RHBDF1: variants seen among roughly 807,000 people sequenced by gnomAD.
RHBDF1 encodes rhomboid 5 homolog 1, also known as inactive rhomboid protein 1.
RHBDF1 carries 80 observed loss-of-function variants against 98.6 expected under a neutral mutation model. The observed-to-expected ratio is 0.81, with a 90% CI of 0.68 to 0.98. The LOEUF is 0.98. Ranked by LOEUF, RHBDF1 falls within the 50% of genes least tolerant of loss-of-function variation. The pLI is 0.00. For synonymous variants in RHBDF1, 512 were observed against 486.8 expected, an observed-to-expected ratio of 1.05 and a Z score of -0.68; for missense variants, 1,116 against 1,198.3, an observed-to-expected ratio of 0.93 and a Z score of 1.01.
Position 58,455 on chromosome 16 carries a change from A to G in RHBDF1, c.2453T>C (p.Leu818Pro), listed in dbSNP as rs1797789691. 6.2e-7 allele frequency: 1 copy of G among 1,614,110 alleles called. No individual in the cohort carries two copies. Among genetic ancestry groups the G allele is most frequent in the Non-Finnish European group, 8.5e-7 (1 of 1,180,034 alleles). Residue 818 changes from leucine to proline, a missense_variant, in exon 18 of 18, where the codon CTG becomes CCG. By Grantham distance (98) the Leu-to-Pro change is moderately conservative. Transcript: ENST00000262316. ...QVVFLGLLAGLVVLFYVYPVR... is the reference protein window; with the variant it reads ...QVVFLGLLAGPVVLFYVYPVR... ...AGGATAGACGTAGAAGAGGACCACC[A>G]GGCCAGCCAGGAGGCCCAGGAAGAC... is the stretch of plus-strand genomic sequence containing the variant.
chr16:61,123 G>A lies in RHBDF1; in HGVS notation c.1554C>T (p.Cys518=). 6.5e-7 allele frequency: 1 copy of A among 1,527,678 alleles called. No individual in the cohort carries two copies. Among genetic ancestry groups the A allele is most frequent in the Non-Finnish European group, 8.8e-7 (1 of 1,138,318 alleles). The allele number at this position is 1,527,678 out of a possible 1,614,324, so 94.6% of individuals were successfully genotyped here. A position where few individuals can be genotyped will look rare whatever the true frequency, so the allele number is the denominator to read the frequency against. ...AGTCCCGGGCGGGGAAACGCACCGA[G>A]CACTCCTCCTCCGAGGTCTGCACGC... ...SGCVQTSEEE[C]SSTLAVWVKW... Residue 518 remains cysteine (C), a synonymous_variant, in exon 11 of 18, where the codon TGC becomes TGT. Coordinates refer to ENST00000262316, the MANE Select transcript of RHBDF1 (RefSeq NM_022450.5).
At chr16:65,920 G>T (rs1169723508) in intron 1 of RHBDF1, among the ~76,000 whole-genome samples, 1 of 152,232 alleles carries the variant, frequency 6.6e-6, no homozygotes, top group Non-Finnish European at 1.5e-5. Context: ...TGCAAGCTTG[G>T]CTCTACCATG....
In RHBDF1 at chr16:64,730, G is replaced by A. The variant is rs902836001; in HGVS notation, c.217C>T (p.Arg73Cys). ...HHELRRPVLQRQTSITQTIRR... is the reference protein window; with the variant it reads ...HHELRRPVLQCQTSITQTIRR... Reference sequence around the variant, plus strand: ...ATGGTCTGTGTGATGGACGTCTGGCGTTGCAGCACCGGCCGCCGGAGCTCA... The same window carrying A: ...ATGGTCTGTGTGATGGACGTCTGGCATTGCAGCACCGGCCGCCGGAGCTCA... The change falls in exon 3 of 18, where the codon CGC becomes TGC. Residue 73 changes from arginine to cysteine, a missense_variant. Transcript: ENST00000262316. 21 of 1,613,612 alleles carry A rather than the reference G, an allele frequency of 1.3e-5. No individual in the cohort carries two copies. The highest frequency in any genetic ancestry group is 4.0e-5 in the African/African-American group (3 of 74,926).
intron 1 of RHBDF1, among the ~76,000 whole-genome samples, chr16:70,827 A>C (rs1040149804): frequency 1.3e-5 from 2 of 152,234 alleles, no homozygotes; most frequent in African/African-American, 2.4e-5. Context: ...GACGGCTGTC[A>C]GACCCTTCTA....
rs1897626350 is a variant in RHBDF1, at chr16:61,607, G to A, written c.1298C>T (p.Ser433Leu). The change falls in exon 9 of 18, where the codon TCG becomes TTG. Residue 433 changes from serine (S) to leucine (L), a missense_variant. Coordinates refer to ENST00000262316, the MANE Select transcript of RHBDF1 (RefSeq NM_022450.5). ...CACCGAGTCCACCGTCTCATGCTGCGAGAAGCCCACGGGCGCGATGCCATA... is the reference window on the plus strand; with the variant it reads ...CACCGAGTCCACCGTCTCATGCTGCAAGAAGCCCACGGGCGCGATGCCATA... Reference protein sequence around the residue: ...CIYGIAPVGFSQHETVDSVLR... With the variant: ...CIYGIAPVGFLQHETVDSVLR... 1 of 1,613,382 alleles carries A rather than the reference G, an allele frequency of 6.2e-7. No homozygotes were observed.
In RHBDF1 at chr16:61,270, G is replaced by A. The variant is rs1194326443; in HGVS notation, c.1407C>T (p.Ile469=). The change falls in exon 11 of 18, where the codon ATC becomes ATT. Residue 469 remains isoleucine, a synonymous_variant. Transcript: ENST00000262316. ...FWIGPSSEAL[I]HLGAKFSPCM... ...AGGGCGAAAACTTGGCGCCCAGGTGGATGAGGGCCTCCTGCGGGCGAGGGA... is the reference window on the plus strand; with the variant it reads ...AGGGCGAAAACTTGGCGCCCAGGTGAATGAGGGCCTCCTGCGGGCGAGGGA... The A allele has an allele frequency of 6.5e-7, 1 of 1,544,402 alleles. No homozygotes were observed. Among genetic ancestry groups the A allele is most frequent in the South Asian group, 1.2e-5 (1 of 83,742 alleles).
chr16:75,577 C>T (rs1898071591), upstream of RHBDF1, among the ~76,000 whole-genome samples: 3 of 152,180 alleles, frequency 2.0e-5, no homozygotes, highest in Admixed American at 1.3e-4. Context: ...TCTGAGGCAG[C>T]TGCCCCCTCC....
chr16:64,207 A>G, intron 3 of RHBDF1: 1 of 1,305,638 alleles, frequency 7.7e-7, no homozygotes. Flanking sequence ...ACATGCAAAC[A>G]AAAACACTGC....
At chr16:70,016 G>T (rs1453080885) in intron 1 of RHBDF1, among the ~76,000 whole-genome samples, 6 of 151,930 alleles carry the variant, frequency 3.9e-5, no homozygotes, top group African/African-American at 1.5e-4. Context: ...GCAGGAGGGG[G>T]GGGGGCACTG....
intron 7 of RHBDF1, 47 bp from the exon 8 acceptor site, chr16:62,099 T>C: frequency 1.4e-6 from 2 of 1,435,358 alleles, no homozygotes; most frequent in Non-Finnish European, 1.8e-6. Context: ...CGCAAACTGC[T>C]GCAGTCCCTC....
At chr16:68,221 C>G (rs960819545) in intron 1 of RHBDF1, among the ~76,000 whole-genome samples, 1 of 152,240 alleles carries the variant, frequency 6.6e-6, no homozygotes, top group African/African-American at 2.4e-5. Flanking sequence ...TGAGAACCGA[C>G]AGTTATAGGT....
At chr16:64,569 G>A in intron 3 of RHBDF1, 130 bp downstream of exon 3, 1 of 1,543,838 alleles carries the variant, frequency 6.5e-7, no homozygotes. Flanking sequence ...CAAGGGGATG[G>A]TGGGGACCGA....
Position 64,981 on chromosome 16 carries a change from A to AG in RHBDF1, c.34dup (p.Leu12ProfsTer54). On this transcript the variant is annotated frameshift_variant, in exon 2 of 18. Coordinates refer to ENST00000262316, the MANE Select transcript of RHBDF1 (RefSeq NM_022450.5). LOFTEE classifies it high-confidence loss of function. ...TAGCCAGGGTGGCTTCTTGCGCTGC[A>AG]GGCTGCTCGTGCTGTCCCTGCGGGC... 1.3e-6 allele frequency: 2 copies of AG among 1,546,218 alleles called. No individual in the cohort carries two copies. Among genetic ancestry groups the AG allele is most frequent in the Non-Finnish European group, 1.7e-6 (2 of 1,143,486 alleles).
At chr16:60,932 T>C in intron 11 of RHBDF1, 188 bp downstream of exon 11, 1 of 631,468 alleles carries the variant, frequency 1.6e-6, no homozygotes, top group Non-Finnish European at 2.7e-6. Context: ...GATGATGGTC[T>C]ACGGGGCGAG....
intron 11 of RHBDF1, 56 bp downstream of exon 11, chr16:61,064 T>G (rs1897594547): frequency 6.7e-7 from 1 of 1,493,566 alleles, no homozygotes; most frequent in African/African-American, 1.4e-5. Flanking sequence ...CTATCTGAGG[T>G]CTGAAGAGCG....
chr16:72,379 C>G lies in RHBDF1; in HGVS notation c.-25+134G>C, dbSNP rs948786933. ...CGCCGCGACCCCTCCCCGGCCCCGG[C>G]CCCGGCCCCGACACGGCCCCGGCCG... On this transcript the variant is annotated intron_variant, in intron 1 of 17. Coordinates refer to ENST00000262316, the MANE Select transcript of RHBDF1 (RefSeq NM_022450.5). The G allele has an allele frequency of 4.8e-5, 15 of 314,576 alleles. No individual in the cohort carries two copies. The Admixed American group carries it at 5.2e-4, about 11-fold the overall frequency. 19.5% of individuals were successfully genotyped at this position (314,576 alleles called of 1,614,324 possible).
intron 3 of RHBDF1, chr16:64,339 A>C: frequency 3.7e-6 from 5 of 1,356,888 alleles, no homozygotes; most frequent in Non-Finnish European, 4.9e-6. Flanking sequence ...ATACCTGAGC[A>C]GGGACCAAGA....
chr16:59,184 G>A, intron 16 of RHBDF1, 57 bp from the exon 17 acceptor site: 1 of 1,594,084 alleles, frequency 6.3e-7, no homozygotes, highest in South Asian at 1.1e-5. Context: ...TGACCTTTCT[G>A]CCACCCCCAG....
Position 61,422 on chromosome 16 carries a change from T to C in RHBDF1, c.1358A>G (p.Tyr453Cys), listed in dbSNP as rs763860358. The change falls in exon 10 of 18, where the codon TAC becomes TGC. Residue 453 changes from tyrosine to cysteine, a missense_variant. By Grantham distance (194) the Tyr-to-Cys change is radical. Transcript: ENST00000262316. ...RNRGVYENVKYVQQENFWIGP... is the reference protein window; with the variant it reads ...RNRGVYENVKCVQQENFWIGP... ...GATCCAGAAGTTCTCCTGCTGCACG[T>C]ACTTGACGTTCTCGTAGACCCCGCG... is the stretch of plus-strand genomic sequence containing the variant. The C allele has an allele frequency of 9.9e-6, 16 of 1,612,312 alleles. No homozygotes were observed. The East Asian group carries it at 3.6e-4, about 36-fold the overall frequency.
Sources: allele counts gnomAD v4.1 joint callset (sites outside exome capture counted in the v4.1 genomes callset), GRCh38; gene constraint gnomAD v4.1.1; transcripts MANE v1.5; gene names NCBI Gene and HGNC (gene_info 2026-07-23, HGNC 2026-07-21).